MAN2A2: variants seen among roughly 807,000 people sequenced by gnomAD.
The protein encoded by MAN2A2 is alpha-mannosidase 2x.
In MAN2A2, 79 loss-of-function variants were observed where a neutral mutation model predicts 126.8. That is an observed-to-expected ratio of 0.62 (90% confidence interval 0.52 to 0.75). The LOEUF (loss-of-function observed/expected upper bound fraction) is 0.75. MAN2A2 is among the 30% of genes least tolerant of loss of function. The pLI, the probability that MAN2A2 is intolerant of heterozygous loss-of-function variation, is 0.00. For missense variants in MAN2A2, 1,392 were observed against 1,522.4 expected (o/e 0.91, Z 1.43); for synonymous variants, 671 against 618.7 (o/e 1.08, Z -1.25).
chr15:90,913,643 C>A lies in MAN2A2; in HGVS notation c.2748C>A (p.Leu916=), dbSNP rs887378740. ...QVQPRRYLKK[L]PLQANFYPMP... The stretch of plus-strand genomic sequence containing the variant: ...AGCCCCGACGGTATCTGAAGAAGCT[C>A]CCCCTCCAGGCCAACTTCTACCCCA... The change falls in exon 19 of 23, where the codon CTC becomes CTA. Residue 916 remains leucine (L), a synonymous_variant. Transcript: ENST00000559717. 2 of 1,612,726 alleles carry A rather than the reference C, an allele frequency of 1.2e-6. No homozygotes were observed. The highest frequency in any genetic ancestry group is 1.3e-5 in the African/African-American group (1 of 75,028).
At chr15:90,913,449 C>T (rs1567128903) in intron 18 of MAN2A2, 43 bp downstream of exon 18, 1 of 1,576,184 alleles carries the variant, frequency 6.3e-7, no homozygotes, top group Admixed American at 1.7e-5. Context: ...CAGAGTAGAA[C>T]TTGGACTCTG....
Position 90,910,607 on chromosome 15 carries a change from A to AC in MAN2A2, c.1685dup (p.Leu563IlefsTer55). ...CACCCTCCTGACGGAAGCTCGGCGC[A>AC]CATTGGGGCTCTTCCAGCATCACGA... On this transcript the variant is annotated frameshift_variant, in exon 11 of 23. Coordinates refer to ENST00000559717, the MANE Select transcript of MAN2A2 (RefSeq NM_006122.4). LOFTEE classifies it high-confidence loss of function. The AC allele has an allele frequency of 6.2e-7, 1 of 1,614,178 alleles. No homozygotes were observed.
At position 90,905,676 on chromosome 15, in the gene MAN2A2, C is replaced by T; in HGVS notation, c.488C>T (p.Ala163Val). The T allele has an allele frequency of 6.2e-7, 1 of 1,614,124 alleles. No individual in the cohort carries two copies. Among genetic ancestry groups the T allele is most frequent in the Non-Finnish European group, 8.5e-7 (1 of 1,180,016 alleles). Residue 163 changes from alanine (A) to valine (V), a missense_variant, in exon 4 of 23, where the codon GCT becomes GTT. Ala to Val is a moderately conservative substitution (Grantham distance 64). Coordinates refer to ENST00000559717, the MANE Select transcript of MAN2A2 (RefSeq NM_006122.4). ...TCCTACGACCCGCACGACTGGGATG[C>T]TGAAGACCTGCAGGTGTTTGTGGTG... ...DISYDPHDWD[A>V]EDLQVFVVPH...
chr15:90,906,170 CAGAT>C (rs1482211615), intron 5 of MAN2A2, among the ~76,000 whole-genome samples, 154 bp downstream of exon 5: 1 of 152,158 alleles, frequency 6.6e-6, no homozygotes, highest in African/African-American at 2.4e-5. Context: ...AAGGCAAAAA[CAGAT>C]AGGTTCCGAG....
chr15:90,912,885 C>T lies in MAN2A2; in HGVS notation c.2478C>T (p.Val826=). 1.2e-6 allele frequency: 2 copies of T among 1,613,674 alleles called. No individual in the cohort carries two copies. Among genetic ancestry groups the T allele is most frequent in the Non-Finnish European group, 1.7e-6 (2 of 1,179,704 alleles). The part of the protein sequence containing the change: ...FLPDGEAKPY[V]PKEPPVLRVT... The stretch of plus-strand genomic sequence containing the variant: ...ATCTGCTCTTTCTCTAGCCCTACGT[C>T]CCCAAGGAGCCCCCCGTGCTGCGTG... The change falls in exon 17 of 23, where the codon GTC becomes GTT. Residue 826 remains valine (V), a synonymous_variant. Transcript: ENST00000559717.
At chr15:90,910,761 G>C in intron 11 of MAN2A2, 78 bp downstream of exon 11, 1 of 1,600,066 alleles carries the variant, frequency 6.2e-7, no homozygotes, top group Non-Finnish European at 8.5e-7. Context: ...TCAGGGGGTA[G>C]GCCGGCCTAG....
rs2151306050 is a variant in MAN2A2 at position 90,910,216 on chromosome 15, G to A, written c.1501G>A (p.Asp501Asn). The change falls in exon 10 of 23, where the codon GAT (aspartate) becomes AAT (asparagine). Residue 501 changes from aspartate to asparagine, a missense_variant. Coordinates refer to ENST00000559717, the MANE Select transcript of MAN2A2 (RefSeq NM_006122.4). ...GDFFSYADREDHYWTGYYTSR... is the reference protein window; with the variant it reads ...GDFFSYADRENHYWTGYYTSR... ...TTTCTTCTCCTATGCGGACCGGGAG[G>A]ATCATTACTGGACAGGCTATTACAC... The A allele has an allele frequency of 6.2e-7, 1 of 1,614,180 alleles. No individual in the cohort carries two copies. Among genetic ancestry groups the A allele is most frequent in the Middle Eastern group, 1.7e-4 (1 of 6,054 alleles).
At chr15:90,905,785 A>C (rs2072078) in intron 4 of MAN2A2, 60 bp from the exon 5 acceptor site, 28 of 1,599,828 alleles carry the variant, frequency 1.8e-5, no homozygotes, top group Non-Finnish European at 2.3e-5. Flanking sequence ...TGGCCAATAC[A>C]AGGGAGGGAC....
chr15:90,910,526 G>T lies in MAN2A2; in HGVS notation c.1603G>T (p.Ala535Ser), dbSNP rs2034641922. 1.2e-6 allele frequency: 2 copies of T among 1,613,936 alleles called. No homozygotes were observed. Among genetic ancestry groups the T allele is most frequent in the African/African-American group, 2.7e-5 (2 of 74,922 alleles). ...GGGGGCAGAGGTTCTGTACAGCCTG[G>T]CTGCAGCTCACGCTCGCCGCTCTGG... ...LRGAEVLYSL[A>S]AAHARRSGLA... is the part of the protein sequence containing the mutation. Residue 535 changes from alanine (A) to serine (S), a missense_variant, in exon 11 of 23, where the codon GCT (alanine) becomes TCT (serine). Transcript: ENST00000559717.
chr15:90,918,848 G>A, intron 22 of MAN2A2, 93 bp downstream of exon 22: 3 of 947,066 alleles, frequency 3.2e-6, no homozygotes, highest in Non-Finnish European at 4.9e-6. Flanking sequence ...GGAGAAGAAA[G>A]TGTCACTCCA....
At chr15:90,904,122 G>A (rs2034053425) in intron 1 of MAN2A2, 68 bp from the exon 2 acceptor site, 1 of 1,554,164 alleles carries the variant, frequency 6.4e-7, no homozygotes. Flanking sequence ...ACTCACTGGG[G>A]TATTTGGTGG....
chr15:90,906,242 G>A (rs1357821223), intron 5 of MAN2A2, 128 bp from the exon 6 acceptor site: 3 of 1,353,104 alleles, frequency 2.2e-6, no homozygotes, highest in Non-Finnish European at 3.1e-6. Context: ...GCAAGTGTGT[G>A]TTCTCTTGGT....
At chr15:90,912,468 A>T (rs1567127161) in intron 15 of MAN2A2, 74 bp from the exon 16 acceptor site, 2 of 1,597,826 alleles carry the variant, frequency 1.3e-6, no homozygotes, top group Non-Finnish European at 1.7e-6. Context: ...TGGGGAAGCT[A>T]TTCCGTGTCC....
At chr15:90,913,058 C>G (rs2034889703) in intron 17 of MAN2A2, 67 bp downstream of exon 17, 1 of 1,318,300 alleles carries the variant, frequency 7.6e-7, no homozygotes, top group Non-Finnish European at 1.1e-6. Flanking sequence ...CGTATTCTTC[C>G]TTCTGCTGCT....
chr15:90,906,346 C>G (rs1216969358), intron 5 of MAN2A2, 24 bp from the exon 6 acceptor site: 1 of 1,613,920 alleles, frequency 6.2e-7, no homozygotes, highest in Non-Finnish European at 8.5e-7. Context: ...CTGCTCCGTC[C>G]TGAGTGTGAG....
chr15:90,915,466 C>T, intron 19 of MAN2A2: 1 of 152,438 alleles, frequency 6.6e-6, no homozygotes, highest in Non-Finnish European at 1.5e-5. Context: ...CGAGCCCCTG[C>T]TCCAAGCATA....
intron 17 of MAN2A2, 31 bp from the exon 18 acceptor site, chr15:90,913,242 G>C: frequency 6.2e-7 from 1 of 1,611,034 alleles, no homozygotes; most frequent in Non-Finnish European, 8.5e-7. Flanking sequence ...CCTCACACCT[G>C]TCCATGCCCC....
At chr15:90,907,244 A>T (rs144101707) in intron 7 of MAN2A2, 65 bp from the exon 8 acceptor site, 1 of 1,513,660 alleles carries the variant, frequency 6.6e-7, no homozygotes, top group African/African-American at 1.4e-5. Flanking sequence ...GCCTGAACAG[A>T]TCCTTGCCCC....
chr15:90,911,030 T>G, intron 12 of MAN2A2, 69 bp downstream of exon 12: 1 of 1,499,330 alleles, frequency 6.7e-7, no homozygotes, highest in Non-Finnish European at 9.3e-7. Flanking sequence ...AGCTGCTGGA[T>G]GGGGGTGCCG....
Sources: gnomAD v4.1 joint callset for allele counts (sites outside exome capture counted in the v4.1 genomes callset) on GRCh38, gnomAD v4.1.1 for gene constraint, MANE v1.5 for transcripts, NCBI Gene and HGNC (gene_info 2026-07-23, HGNC 2026-07-21) for gene names.